Variants in ADAT2 observed in about 807,000 individuals in gnomAD.
ADAT2 encodes tRNA-specific adenosine-34 deaminase catalytic subunit ADAT2.
Under a neutral mutation model 25.9 loss-of-function variants are expected in ADAT2, and 26 were observed. The ratio of observed to expected loss-of-function variants is 1.00; its 90% CI spans 0.74 to 1.39. ADAT2 has a LOEUF of 1.39. Ranked by LOEUF, ADAT2 falls within the 40% of genes most tolerant of loss-of-function variation. ADAT2 has a pLI of 0.00. For synonymous variants in ADAT2, 76 were observed against 86.8 expected (o/e 0.88, Z 0.69); for missense variants, 220 against 244.8 (o/e 0.90, Z 0.68).
rs1205884895 is a variant in ADAT2 at position 143,437,168 on chromosome 6, G to A, written c.201+1422C>T. Among the ~76,000 whole-genome samples, 2 of 152,152 alleles carry A rather than the reference G, an allele frequency of 1.3e-5. No homozygotes were observed. The highest frequency in any genetic ancestry group is 3.9e-4 in the East Asian group (2 of 5,188). ...ATTGTCCAACTACTTTGTCGGAACAGTTCCTATTGATTGGAACTGCTAGGG... is the reference window on the plus strand; with the variant it reads ...ATTGTCCAACTACTTTGTCGGAACAATTCCTATTGATTGGAACTGCTAGGG... On this transcript the variant is annotated intron_variant, in intron 2 of 5. Transcript: ENST00000237283. This position sits in a 1 kb window ranked among gnomAD's most constrained non-coding sequence, Gnocchi z 4.1.
In ADAT2 at chr6:143,442,285, C is replaced by A. The variant is rs1779481028; in HGVS notation, c.97-3591G>T. Reference sequence around the variant, plus strand: ...TTGGATGGATCTCATGGGAATCATGCTGAATGGAGAAAGCCAAGCCAAATG... The same window carrying A: ...TTGGATGGATCTCATGGGAATCATGATGAATGGAGAAAGCCAAGCCAAATG... On this transcript the variant is annotated intron_variant, in intron 1 of 5. Coordinates refer to ENST00000237283, the MANE Select transcript of ADAT2 (RefSeq NM_182503.3). This position sits in a 1 kb window ranked among gnomAD's most constrained non-coding sequence, Gnocchi z 4.6. 6.6e-6 allele frequency among the ~76,000 whole-genome samples: 1 copy of A among 152,130 alleles called. No individual in the cohort carries two copies. Among genetic ancestry groups the A allele is most frequent in the African/African-American group, 2.4e-5 (1 of 41,412 alleles).
In ADAT2 at chr6:143,434,506, A is replaced by G. The variant is rs906919576; in HGVS notation, c.202-525T>C. 6.6e-6 allele frequency among the ~76,000 whole-genome samples: 1 copy of G among 152,206 alleles called. No individual in the cohort carries two copies. The highest frequency in any genetic ancestry group is 1.5e-5 in the Non-Finnish European group (1 of 68,040). On this transcript the variant is annotated intron_variant, in intron 2 of 5. Transcript: ENST00000237283. The surrounding 1 kb of genome is among the most constrained non-coding windows in gnomAD (Gnocchi z 4.5). ...GAAGTAGAGATTTGGTATTGGTTTC[A>G]GACACTTCATGGGAAGCAGTAGAGG...
rs760088697 is a variant in ADAT2, at chr6:143,438,704, A to G, written c.97-10T>C. The G allele has an allele frequency of 3.1e-6, 5 of 1,607,386 alleles. No individual in the cohort carries two copies. The highest frequency in any genetic ancestry group is 1.1e-5 in the South Asian group (1 of 90,938). On this transcript the variant is annotated splice_polypyrimidine_tract_variant and intron_variant, in intron 1 of 5. Coordinates refer to ENST00000237283, the MANE Select transcript of ADAT2 (RefSeq NM_182503.3). Reference sequence around the variant, plus strand: ...CGAGGGCTTCTTTGGCCTGAAACACAAAGTGGAAAATGTAAGACGTAATAC... The same window carrying G: ...CGAGGGCTTCTTTGGCCTGAAACACGAAGTGGAAAATGTAAGACGTAATAC...
At chr6:143,450,440 C>T in intron 1 of ADAT2, 123 bp downstream of exon 1, 1 of 1,064,182 alleles carries the variant, frequency 9.4e-7, no homozygotes, top group Non-Finnish European at 1.4e-6. Flanking sequence ...AGTTGTTCAC[C>T]CAGAACATCT....
At chr6:143,430,466 AACTGC>A (rs1360804638) in intron 4 of ADAT2, among the ~76,000 whole-genome samples, 1 of 152,168 alleles carries the variant, frequency 6.6e-6, no homozygotes, top group Non-Finnish European at 1.5e-5. Flanking sequence ...CCTCGAAGGA[AACTGC>A]ACCGCCCTAA....
At position 143,438,643 on chromosome 6, in the gene ADAT2, A is replaced by G. The variant is rs1199784872; in HGVS notation, c.148T>C (p.Tyr50His). The G allele has an allele frequency of 6.2e-7, 1 of 1,613,542 alleles. No individual in the cohort carries two copies. Among genetic ancestry groups the G allele is most frequent in the Admixed American group, 1.7e-5 (1 of 60,012 alleles). ...TEVPVGCLMV[Y>H]NNEVVGKGRN... ...CCCTTCCCTACAACTTCATTGTTGT[A>G]GACCATAAGACAGCCAACAGGAACT... Residue 50 changes from tyrosine (Y) to histidine (H), a missense_variant, in exon 2 of 6, where the codon TAC becomes CAC. Transcript: ENST00000237283.
rs1166175120 is a variant in ADAT2 at position 143,437,528 on chromosome 6, C to T, written c.201+1062G>A. Among the ~76,000 whole-genome samples the T allele has an allele frequency of 6.6e-6, 1 of 152,070 alleles. No homozygotes were observed. Among genetic ancestry groups the T allele is most frequent in the Non-Finnish European group, 1.5e-5 (1 of 67,986 alleles). On this transcript the variant is annotated intron_variant, in intron 2 of 5. Coordinates refer to ENST00000237283, the MANE Select transcript of ADAT2 (RefSeq NM_182503.3). This position sits in a 1 kb window ranked among gnomAD's most constrained non-coding sequence, Gnocchi z 4.1. ...TTTGTCAAGCATTGCAAATGAAATA[C>T]CATGTTTATTCCAGTTTATTTTACT...
At chr6:143,450,434 G>T (rs1409365330) in intron 1 of ADAT2, 129 bp downstream of exon 1, 2 of 996,090 alleles carry the variant, frequency 2.0e-6, no homozygotes, top group Non-Finnish European at 3.1e-6. Context: ...AAAGCCAGTT[G>T]TTCACCCAGA....
In ADAT2 at chr6:143,434,271, G is replaced by A. The variant is rs9496634; in HGVS notation, c.202-290C>T. ...TTTCAATTAAAATGCCATGGAGAAG[G>A]TAAGTCTAAAAAACAAAGAAAAAAA... On this transcript the variant is annotated intron_variant, in intron 2 of 5. Transcript: ENST00000237283. This position sits in a 1 kb window ranked among gnomAD's most constrained non-coding sequence, Gnocchi z 4.5. 6.6e-6 allele frequency among the ~76,000 whole-genome samples: 1 copy of A among 151,942 alleles called. No individual in the cohort carries two copies. Among genetic ancestry groups the A allele is most frequent in the Non-Finnish European group, 1.5e-5 (1 of 68,002 alleles).
At position 143,423,148 on chromosome 6, in the gene ADAT2, T is replaced by A. The variant is rs1435336854; in HGVS notation, c.*5315A>T. 1.3e-5 allele frequency: 2 copies of A among 152,218 alleles called. No homozygotes were observed. The highest frequency in any genetic ancestry group is 1.3e-4 in the Admixed American group (2 of 15,282). 9.4% of individuals were successfully genotyped at this position (152,218 alleles called of 1,614,324 possible). A position where few individuals can be genotyped will look rare whatever the true frequency, so the allele number is the denominator to read the frequency against. On this transcript the variant is annotated 3_prime_UTR_variant, in exon 6 of 6. Transcript: ENST00000237283. ...TAGACCAGGGGCAGCTAACATTTTC[T>A]CGAAGGGCCAGACGCTAAATATTTT...
In ADAT2 at chr6:143,428,480, C is replaced by A. The variant is rs762303976; in HGVS notation, c.559G>T (p.Glu187Ter). Reference protein sequence around the residue: ...NAPKSKVRKKECQKS With the variant: ...NAPKSKVRKK ...GAACATGTTCAAGATTTCTGACATT[C>A]CTTTTTCCGAACTTTCGATTTTGGT... is the stretch of plus-strand genomic sequence containing the variant. The change falls in exon 6 of 6, where the codon GAA (glutamate) becomes TAA (stop). Residue 187 changes from glutamate to a stop codon, truncating the protein, a stop_gained. Coordinates refer to ENST00000237283, the MANE Select transcript of ADAT2 (RefSeq NM_182503.3). LOFTEE classifies it high-confidence loss of function. The surrounding 1 kb of genome is among the most constrained non-coding windows in gnomAD (Gnocchi z 5.0). The A allele has an allele frequency of 3.7e-6, 6 of 1,613,874 alleles. No homozygotes were observed. The South Asian group carries it at 6.6e-5, about 18-fold the overall frequency.
Position 143,438,586 on chromosome 6 carries a change from A to G in ADAT2, c.201+4T>C. ...TTTGCAATTATACTGCTCAACTCAC[A>G]TACATTTTTGGTTTGGTTAACTTCA... On this transcript the variant is annotated splice_donor_region_variant and intron_variant, in intron 2 of 5. Coordinates refer to ENST00000237283, the MANE Select transcript of ADAT2 (RefSeq NM_182503.3). The G allele has an allele frequency of 6.2e-7, 1 of 1,605,470 alleles. No individual in the cohort carries two copies. The highest frequency in any genetic ancestry group is 8.5e-7 in the Non-Finnish European group (1 of 1,172,360).
At chr6:143,445,189 T>C (rs1020594624) in intron 1 of ADAT2, among the ~76,000 whole-genome samples, 1 of 151,962 alleles carries the variant, frequency 6.6e-6, no homozygotes, top group Non-Finnish European at 1.5e-5. Flanking sequence ...TTCTTCAATA[T>C]GGCACTGAAG....
chr6:143,425,440 C>G lies in ADAT2; in HGVS notation c.*3023G>C, dbSNP rs1044123107. The G allele has an allele frequency of 6.6e-6, 1 of 150,382 alleles. No individual in the cohort carries two copies. Among genetic ancestry groups the G allele is most frequent in the African/African-American group, 2.5e-5 (1 of 40,514 alleles). 9.3% of individuals were successfully genotyped at this position (150,382 alleles called of 1,614,324 possible). On this transcript the variant is annotated 3_prime_UTR_variant, in exon 6 of 6. Transcript: ENST00000237283. ...GGCTGAGGAGGAAGGATTGCTTGAG[C>G]CAGGTTGAGGCTGCAGTGAGCTGTG...
At position 143,428,511 on chromosome 6, in the gene ADAT2, G is replaced by A; in HGVS notation, c.533-5C>T. 1 of 1,613,718 alleles carries A rather than the reference G, an allele frequency of 6.2e-7. No individual in the cohort carries two copies. Among genetic ancestry groups the A allele is most frequent in the Non-Finnish European group, 8.5e-7 (1 of 1,179,870 alleles). On this transcript the variant is annotated splice_region_variant and splice_polypyrimidine_tract_variant and intron_variant, in intron 5 of 5. Transcript: ENST00000237283. This position sits in a 1 kb window ranked among gnomAD's most constrained non-coding sequence, Gnocchi z 5.0. ...TCCGAACTTTCGATTTTGGTGCTGT[G>A]AAAAGAATAGAAAAGAAAAAGAAAA...
chr6:143,438,102 C>T (rs551367583), intron 2 of ADAT2, among the ~76,000 whole-genome samples: 3 of 152,216 alleles, frequency 2.0e-5, no homozygotes, highest in South Asian at 2.1e-4. Flanking sequence ...TCATACCTCC[C>T]TCCAAAGCTA....
At position 143,432,756 on chromosome 6, in the gene ADAT2, C is replaced by T; in HGVS notation, c.353-145G>A. 1 of 726,980 alleles carries T rather than the reference C, an allele frequency of 1.4e-6. No homozygotes were observed. Among genetic ancestry groups the T allele is most frequent in the Non-Finnish European group, 2.3e-6 (1 of 428,930 alleles). 45.0% of individuals were successfully genotyped at this position (726,980 alleles called of 1,614,324 possible). On this transcript the variant is annotated intron_variant, in intron 3 of 5. Transcript: ENST00000237283. The surrounding 1 kb of genome is among the most constrained non-coding windows in gnomAD (Gnocchi z 4.4). ...TGAAGCTTAGGATTCGTCTTATAAACCATACAATCCAGCTACACAGAAGAA... is the reference window on the plus strand; with the variant it reads ...TGAAGCTTAGGATTCGTCTTATAAATCATACAATCCAGCTACACAGAAGAA...
intron 1 of ADAT2, among the ~76,000 whole-genome samples, chr6:143,445,703 G>A (rs1779581372): frequency 6.6e-6 from 1 of 152,038 alleles, no homozygotes; most frequent in Non-Finnish European, 1.5e-5. Context: ...CAATTAAACA[G>A]TATGTTCCTG....
chr6:143,430,090 A>C (rs894562758), intron 4 of ADAT2, among the ~76,000 whole-genome samples: 1 of 152,052 alleles, frequency 6.6e-6, no homozygotes, highest in Non-Finnish European at 1.5e-5. Flanking sequence ...GCAACTGGCC[A>C]CACCTGCTCT....
Sources: allele counts gnomAD v4.1 joint callset (sites outside exome capture counted in the v4.1 genomes callset), GRCh38; gene constraint gnomAD v4.1.1; non-coding constraint Gnocchi (gnomAD v3.1); transcripts MANE v1.5; gene names NCBI Gene and HGNC (gene_info 2026-07-23, HGNC 2026-07-21).